UBA5: variants seen among roughly 807,000 people sequenced by gnomAD.
UBA5 encodes the protein ubiquitin like modifier activating enzyme 5, also known as ubiquitin-like modifier-activating enzyme 5.
In UBA5, 28 loss-of-function variants were observed where a neutral mutation model predicts 52.9. The observed-to-expected ratio is 0.53, with a 90% CI of 0.39 to 0.73. UBA5 has a LOEUF of 0.73. UBA5 is among the 30% of genes least tolerant of loss of function. The probability of loss-of-function intolerance (pLI) is 0.00; values close to 1 mark genes in which losing one functional copy is unlikely to be tolerated. For missense variants in UBA5, 388 were observed against 492.7 expected (o/e 0.79, Z 2.01); for synonymous variants, 135 against 162.1 (o/e 0.83, Z 1.27).
intron 3 of UBA5, among the ~76,000 whole-genome samples, chr3:132,666,828 C>A (rs1311680656): frequency 1.3e-5 from 2 of 152,050 alleles, no homozygotes; most frequent in African/African-American, 2.4e-5. Context: ...AATTTTAATA[C>A]CTTTCAAAAG....
chr3:132,665,171 A>G (rs1938322846), intron 1 of UBA5, among the ~76,000 whole-genome samples: 1 of 152,100 alleles, frequency 6.6e-6, no homozygotes, highest in Non-Finnish European at 1.5e-5. Flanking sequence ...GAAAAGAAAT[A>G]ACAATGTTAG....
intron 1 of UBA5, among the ~76,000 whole-genome samples, chr3:132,665,420 G>T (rs1938335684): frequency 6.6e-6 from 1 of 152,052 alleles, no homozygotes; most frequent in South Asian, 2.1e-4. Context: ...GTGGGCAGAG[G>T]CAACAAGAGA....
rs745968949 is a variant in UBA5 at position 132,675,290 on chromosome 3, C to A, written c.855C>A (p.Tyr285Ter). Residue 285 changes from tyrosine (Y) to a stop codon, truncating the protein, a stop_gained, in exon 9 of 12, where the codon TAC becomes TAA. Coordinates refer to ENST00000356232, the MANE Select transcript of UBA5 (RefSeq NM_024818.6). LOFTEE classifies it high-confidence loss of function. Reference sequence around the variant, plus strand: ...GTACTGTTAGTTTTTACCTTGGATACAATGCAATGCAGGATTTTTTTCCTA... The same window carrying A: ...GTACTGTTAGTTTTTACCTTGGATAAAATGCAATGCAGGATTTTTTTCCTA... ...NFGTVSFYLG[Y>*]NAMQDFFPTM... 1 of 1,612,396 alleles carries A rather than the reference C, an allele frequency of 6.2e-7. No individual in the cohort carries two copies.
chr3:132,659,658 G>T, upstream of UBA5: 1 of 1,611,742 alleles, frequency 6.2e-7, no homozygotes, highest in South Asian at 1.1e-5. Flanking sequence ...CCAGACAAGT[G>T]CTGGTTTAGG....
At chr3:132,656,233 T>C (rs1335608147), upstream of UBA5, among the ~76,000 whole-genome samples, 2 of 152,240 alleles carry the variant, frequency 1.3e-5, no homozygotes, top group African/African-American at 2.4e-5. Context: ...TCTGTATCTA[T>C]AGACATTGTG....
Position 132,677,007 on chromosome 3 carries a change from CACT to C in UBA5, c.*489_*491del. On this transcript the variant is annotated 3_prime_UTR_variant, in exon 12 of 12. Transcript: ENST00000356232. ...AATTGCTTTCTATAAGAAAATTGCC[CACT>C]ACTACTAACTTGATCAACAATGAAT... 2 of 369,656 alleles carry C rather than the reference CACT, an allele frequency of 5.4e-6. No individual in the cohort carries two copies. Among genetic ancestry groups the C allele is most frequent in the South Asian group, 4.2e-5 (2 of 48,164 alleles). 22.9% of individuals were successfully genotyped at this position (369,656 alleles called of 1,614,324 possible).
upstream of UBA5, chr3:132,659,662 G>T: frequency 1.9e-6 from 3 of 1,611,690 alleles, no homozygotes; most frequent in South Asian, 2.2e-5. Context: ...ACAAGTGCTG[G>T]TTTAGGTAGG....
rs747600295 is a variant in UBA5, at chr3:132,676,842, T to A, written c.*316T>A. 31 of 468,520 alleles carry A rather than the reference T, an allele frequency of 6.6e-5. No individual in the cohort carries two copies. Among genetic ancestry groups the A allele is most frequent in the African/African-American group, 5.9e-4 (30 of 50,672 alleles). The allele number at this position is 468,520 out of a possible 1,614,324, so 29.0% of individuals were successfully genotyped here. On this transcript the variant is annotated 3_prime_UTR_variant, in exon 12 of 12. Transcript: ENST00000356232. This position sits in a 1 kb window ranked among gnomAD's most constrained non-coding sequence, Gnocchi z 4.1. ...GAAGGACAAATCTGATCCTGTAATC[T>A]TTTTCTTTCCAGTAATCCCTTGTGT... is the stretch of plus-strand genomic sequence containing the variant.
In UBA5 at chr3:132,679,560, T is replaced by G. The variant is rs1938967037; in HGVS notation, c.*3034T>G. On this transcript the variant is annotated 3_prime_UTR_variant, in exon 12 of 12. Transcript: ENST00000356232. The stretch of plus-strand genomic sequence containing the variant: ...TTCATTCTTTTGGAATACATAATTT[T>G]GAGTGATCATGTCTCCAACTACAGT... 6.6e-6 allele frequency among the ~76,000 whole-genome samples: 1 copy of G among 152,234 alleles called. No individual in the cohort carries two copies. The highest frequency in any genetic ancestry group is 2.4e-5 in the African/African-American group (1 of 41,478).
intron 3 of UBA5, among the ~76,000 whole-genome samples, chr3:132,667,028 G>A (rs558402224): frequency 4.6e-5 from 7 of 152,188 alleles, no homozygotes; most frequent in Non-Finnish European, 7.4e-5. Context: ...TAGGTGTCAG[G>A]TGGACTTCAT....
Position 132,660,664 on chromosome 3 carries a change from A to T in UBA5, c.127A>T (p.Met43Leu), listed in dbSNP as rs753315973. ...GGGGRVRIEK[M>L]SSEVVDSNPY... Reference sequence around the variant, plus strand: ...GGGCGGCCGGGTCCGCATCGAGAAGATGAGCTCAGAGGTGGTGGATTCGAA... The same window carrying T: ...GGGCGGCCGGGTCCGCATCGAGAAGTTGAGCTCAGAGGTGGTGGATTCGAA... The change falls in exon 1 of 12, where the codon ATG becomes TTG. Residue 43 changes from methionine to leucine, a missense_variant. By Grantham distance (15) the Met-to-Leu change is conservative. This residue lies in a region of UBA5 where 95 missense variants were observed against 107.0 expected (regional missense o/e 0.89). Coordinates refer to ENST00000356232, the MANE Select transcript of UBA5 (RefSeq NM_024818.6). This position sits in a 1 kb window ranked among gnomAD's most constrained non-coding sequence, Gnocchi z 4.1. 2 of 1,576,366 alleles carry T rather than the reference A, an allele frequency of 1.3e-6. No individual in the cohort carries two copies. Among genetic ancestry groups the T allele is most frequent in the Non-Finnish European group, 8.6e-7 (1 of 1,161,604 alleles).
At position 132,676,404 on chromosome 3, in the gene UBA5, T is replaced by C; in HGVS notation, c.1132-39T>C. On this transcript the variant is annotated intron_variant, in intron 11 of 11. Transcript: ENST00000356232. The surrounding 1 kb of genome is among the most constrained non-coding windows in gnomAD (Gnocchi z 4.1). ...ATTCCTAAGCATCAAGAATTCTATA[T>C]GGTTCTTTTTTCACTGTATTTCCCT... 6.7e-7 allele frequency: 1 copy of C among 1,501,664 alleles called. No homozygotes were observed. Among genetic ancestry groups the C allele is most frequent in the Non-Finnish European group, 9.2e-7 (1 of 1,085,836 alleles). 93.0% of individuals were successfully genotyped at this position (1,501,664 alleles called of 1,614,324 possible).
chr3:132,676,479 T>G lies in UBA5; in HGVS notation c.1168T>G (p.Ser390Ala). 1 of 1,611,242 alleles carries G rather than the reference T, an allele frequency of 6.2e-7. No homozygotes were observed. Residue 390 changes from serine (S) to alanine (A), a missense_variant, in exon 12 of 12, where the codon TCT (serine) becomes GCT (alanine). Transcript: ENST00000356232. The surrounding 1 kb of genome is among the most constrained non-coding windows in gnomAD (Gnocchi z 4.1). ...DSVTELTVED[S>A]GESLEDLMAK... is the part of the protein sequence containing the mutation. Reference sequence around the variant, plus strand: ...TGTCACTGAGTTAACAGTGGAAGATTCTGGTGAAAGCTTGGAAGACCTCAT... The same window carrying G: ...TGTCACTGAGTTAACAGTGGAAGATGCTGGTGAAAGCTTGGAAGACCTCAT...
Position 132,660,603 on chromosome 3 carries a change from G to C in UBA5, c.66G>C (p.Glu22Asp). Reference sequence around the variant, plus strand: ...AGCTGGAGCGGGAACTTGCCCAGGAGAGGAGTCTGCAGGTCCCGAGGAGCG... The same window carrying C: ...AGCTGGAGCGGGAACTTGCCCAGGACAGGAGTCTGCAGGTCCCGAGGAGCG... ...VQELERELAQ[E>D]RSLQVPRSGD... Residue 22 changes from glutamate to aspartate, a missense_variant, in exon 1 of 12, where the codon GAG (glutamate) becomes GAC (aspartate). Physicochemically the swap from Glu to Asp is conservative, Grantham distance 45. This residue lies in a region of UBA5 where 95 missense variants were observed against 107.0 expected (regional missense o/e 0.89). Coordinates refer to ENST00000356232, the MANE Select transcript of UBA5 (RefSeq NM_024818.6). This position sits in a 1 kb window ranked among gnomAD's most constrained non-coding sequence, Gnocchi z 4.1. The C allele has an allele frequency of 6.4e-7, 1 of 1,555,730 alleles. No homozygotes were observed. The highest frequency in any genetic ancestry group is 8.7e-7 in the Non-Finnish European group (1 of 1,149,934).
chr3:132,659,049 A>T (rs892178315), upstream of UBA5, among the ~76,000 whole-genome samples: 3 of 152,202 alleles, frequency 2.0e-5, no homozygotes, highest in African/African-American at 7.2e-5. Flanking sequence ...ACATCAGACT[A>T]AAGCCAGATT....
intron 1 of UBA5, chr3:132,661,039 A>C: frequency 7.4e-7 from 1 of 1,347,172 alleles, no homozygotes; most frequent in South Asian, 1.2e-5. Context: ...CAAATATTAA[A>C]CCTGCTAAGG....
chr3:132,661,825 A>T (rs1938180919), intron 1 of UBA5, among the ~76,000 whole-genome samples: 1 of 152,184 alleles, frequency 6.6e-6, no homozygotes, highest in African/African-American at 2.4e-5. Flanking sequence ...TTGATTTTTA[A>T]AAAAGGTTTT....
rs977309924 is a variant in UBA5, at chr3:132,677,693, C to T, written c.*1167C>T. 1 of 152,112 alleles carries T rather than the reference C, an allele frequency of 6.6e-6. No individual in the cohort carries two copies. The highest frequency in any genetic ancestry group is 1.5e-5 in the Non-Finnish European group (1 of 67,994). The allele number at this position is 152,112 out of a possible 1,614,324, so 9.4% of individuals were successfully genotyped here. A position where few individuals can be genotyped will look rare whatever the true frequency, so the allele number is the denominator to read the frequency against. ...ATTTTTACTTTGAAGATAGGAATATCTAAATTATATCTCTAGGGAGAAAAT... is the reference window on the plus strand; with the variant it reads ...ATTTTTACTTTGAAGATAGGAATATTTAAATTATATCTCTAGGGAGAAAAT... On this transcript the variant is annotated 3_prime_UTR_variant, in exon 12 of 12. Coordinates refer to ENST00000356232, the MANE Select transcript of UBA5 (RefSeq NM_024818.6).
At chr3:132,674,505 T>C (rs1204518486) in intron 8 of UBA5, among the ~76,000 whole-genome samples, 1 of 151,918 alleles carries the variant, frequency 6.6e-6, no homozygotes, top group Non-Finnish European at 1.5e-5. Flanking sequence ...TTGGGCAACA[T>C]GGCAAAGCCC....
Sources: allele counts gnomAD v4.1 joint callset (sites outside exome capture counted in the v4.1 genomes callset), GRCh38; gene constraint gnomAD v4.1.1; regional missense constraint gnomAD v4.1.1; non-coding constraint Gnocchi (gnomAD v3.1); transcripts MANE v1.5; gene names NCBI Gene and HGNC (gene_info 2026-07-23, HGNC 2026-07-21).